INSIG2: variants seen among roughly 807,000 people sequenced by gnomAD.
INSIG2 encodes insulin-induced gene 2 protein.
INSIG2 carries 10 observed loss-of-function variants against 27.2 expected under a neutral mutation model. The observed-to-expected ratio is 0.37, with a 90% CI of 0.23 to 0.62. INSIG2 has a LOEUF of 0.62. Ranked by LOEUF, INSIG2 falls within the 20% of genes least tolerant of loss-of-function variation. The probability of loss-of-function intolerance (pLI) is 0.65; values close to 1 mark genes in which losing one functional copy is unlikely to be tolerated. For missense variants in INSIG2, 178 were observed against 270.2 expected, an observed-to-expected ratio of 0.66 and a Z score of 2.39; for synonymous variants, 97 against 95.8, an observed-to-expected ratio of 1.01 and a Z score of -0.07.
intron 1 of INSIG2, among the ~76,000 whole-genome samples, chr2:118,090,657 T>C (rs912278990): frequency 6.6e-6 from 1 of 152,184 alleles, no homozygotes; most frequent in Admixed American, 6.5e-5. Flanking sequence ...TGGTGGAAAG[T>C]TTTTCTTTGT....
intron 1 of INSIG2, among the ~76,000 whole-genome samples, chr2:118,091,058 A>G (rs1678213241): frequency 6.6e-6 from 1 of 152,206 alleles, no homozygotes; most frequent in Non-Finnish European, 1.5e-5. Context: ...TTTAAAAAAA[A>G]TTTTGGAGCA....
intron 3 of INSIG2, among the ~76,000 whole-genome samples, chr2:118,106,472 CTTTT>C (rs1411134748): frequency 6.6e-6 from 1 of 152,012 alleles, no homozygotes; most frequent in Non-Finnish European, 1.5e-5. Context: ...GTAGACTGTT[CTTTT>C]TGTTTTGTTT....
intron 4 of INSIG2, 73 bp from the exon 5 acceptor site, chr2:118,107,017 T>C (rs1394043157): frequency 1.4e-6 from 2 of 1,470,234 alleles, no homozygotes; most frequent in African/African-American, 2.8e-5. Flanking sequence ...CAGAGTAGTT[T>C]ATTTTCATTG....
At chr2:118,101,217 A>G (rs2104533097) in intron 2 of INSIG2, among the ~76,000 whole-genome samples, 1 of 152,320 alleles carries the variant, frequency 6.6e-6, no homozygotes, top group East Asian at 1.9e-4. Flanking sequence ...GGAAAGAAAG[A>G]AGACATTTAA....
At chr2:118,098,858 G>A (rs1446988847) in intron 2 of INSIG2, among the ~76,000 whole-genome samples, 1 of 152,134 alleles carries the variant, frequency 6.6e-6, no homozygotes, top group East Asian at 1.9e-4. Context: ...TACATTTCTT[G>A]CTTAAGTATT....
chr2:118,105,572 A>G (rs2104538910), intron 3 of INSIG2, among the ~76,000 whole-genome samples: 1 of 152,292 alleles, frequency 6.6e-6, no homozygotes, highest in East Asian at 1.9e-4. Flanking sequence ...GCATACCCAT[A>G]TGAACTGTAG....
intron 1 of INSIG2, among the ~76,000 whole-genome samples, chr2:118,090,378 T>G (rs561507208): frequency 6.6e-6 from 1 of 152,330 alleles, no homozygotes; most frequent in South Asian, 2.1e-4. Flanking sequence ...GTGTTTGTTT[T>G]CAAATGCTTG....
chr2:118,100,448 G>A lies in INSIG2; in HGVS notation c.245-2749G>A, dbSNP rs544269137. Among the ~76,000 whole-genome samples, 7 of 128,358 alleles carry A rather than the reference G, an allele frequency of 5.5e-5. No homozygotes were observed. The South Asian group carries it at 1.0e-3, about 19-fold the overall frequency. 84.2% of individuals were successfully genotyped at this position (128,358 alleles called of 152,430 possible). A position where few individuals can be genotyped will look rare whatever the true frequency, so the allele number is the denominator to read the frequency against. ...GGCTGGAGTGCAGTGGCGCCATCTC[G>A]GCTTACTGCAACCTCCACCTCCCAG... On this transcript the variant is annotated intron_variant, in intron 2 of 5. Transcript: ENST00000245787.
chr2:118,089,331 G>C (rs1374907680), intron 1 of INSIG2, among the ~76,000 whole-genome samples: 3 of 152,172 alleles, frequency 2.0e-5, no homozygotes, highest in Admixed American at 2.0e-4. Flanking sequence ...TGTTTTGTAG[G>C]ATTGATGAAG....
At chr2:118,092,946 TGAGGAGGAGGAG>T (rs1200287010) in intron 1 of INSIG2, among the ~76,000 whole-genome samples, 2 of 140,354 alleles carry the variant, frequency 1.4e-5, no homozygotes, top group Non-Finnish European at 1.5e-5. Flanking sequence ...ATGATGATGA[TGAGGAGGAGGAG>T]GAGGAGGAGA....
rs1323824274 is a variant in INSIG2, at chr2:118,096,466, C to T, written c.-91C>T. ...AGGACAAGATGTGGTACCGTTGAAG[C>T]GTCAGTCTTTGATTCACAGACAGTT... On this transcript the variant is annotated 5_prime_UTR_variant, in exon 2 of 6. Transcript: ENST00000245787. 6.1e-6 allele frequency: 8 copies of T among 1,312,848 alleles called. No homozygotes were observed. The highest frequency in any genetic ancestry group is 4.4e-5 in the South Asian group (3 of 68,838). The allele number at this position is 1,312,848 out of a possible 1,614,324, so 81.3% of individuals were successfully genotyped here. A position where few individuals can be genotyped will look rare whatever the true frequency, so the allele number is the denominator to read the frequency against.
intron 3 of INSIG2, among the ~76,000 whole-genome samples, chr2:118,104,515 A>G (rs1020834257): frequency 6.6e-6 from 1 of 152,212 alleles, no homozygotes; most frequent in Non-Finnish European, 1.5e-5. Context: ...TTAAGATTTT[A>G]TAAAAAATCT....
Position 118,108,367 on chromosome 2 carries a change from G to A in INSIG2, c.*45G>A, listed in dbSNP as rs377747768. 2.3e-5 allele frequency: 33 copies of A among 1,454,428 alleles called. No individual in the cohort carries two copies. Among genetic ancestry groups the A allele is most frequent in the Non-Finnish European group, 3.0e-5 (31 of 1,047,174 alleles). The allele number at this position is 1,454,428 out of a possible 1,614,324, so 90.1% of individuals were successfully genotyped here. A position where few individuals can be genotyped will look rare whatever the true frequency, so the allele number is the denominator to read the frequency against. On this transcript the variant is annotated 3_prime_UTR_variant, in exon 6 of 6. Transcript: ENST00000245787. The stretch of plus-strand genomic sequence containing the variant: ...TTGTACAGAAAAGCAAGATGAAAAG[G>A]ATGTGAAATGGTAGATATACCAACA...
rs1480543947 is a variant in INSIG2, at chr2:118,109,880, T to G, written c.*1558T>G. 1 of 152,562 alleles carries G rather than the reference T, an allele frequency of 6.6e-6. No homozygotes were observed. The highest frequency in any genetic ancestry group is 1.5e-5 in the Non-Finnish European group (1 of 68,034). 9.5% of individuals were successfully genotyped at this position (152,562 alleles called of 1,614,324 possible). ...TATTATTATATCTTCCAGATAATGT[T>G]ATTCATTTAGAACAAATAAGGTATA... On this transcript the variant is annotated 3_prime_UTR_variant, in exon 6 of 6. Coordinates refer to ENST00000245787, the MANE Select transcript of INSIG2 (RefSeq NM_016133.4).
In INSIG2 at chr2:118,108,273, T is replaced by G. The variant is rs1199936413; in HGVS notation, c.637-8T>G. ...TCTGTTAACCTTTTAACCTTTTAAT[T>G]TTTGCAGTACGAATGTAAAGTTATC... On this transcript the variant is annotated splice_polypyrimidine_tract_variant and splice_region_variant and intron_variant, in intron 5 of 5. Transcript: ENST00000245787. The G allele has an allele frequency of 6.3e-7, 1 of 1,581,740 alleles. No homozygotes were observed. The highest frequency in any genetic ancestry group is 1.8e-5 in the Admixed American group (1 of 54,782).
intron 1 of INSIG2, among the ~76,000 whole-genome samples, chr2:118,090,047 T>C (rs1678188354): frequency 6.6e-6 from 1 of 152,226 alleles, no homozygotes; most frequent in Non-Finnish European, 1.5e-5. Context: ...TACATGTAGA[T>C]GTGTTTTTAT....
chr2:118,103,725 TCTTAA>T (rs1678606241), intron 3 of INSIG2, among the ~76,000 whole-genome samples: 3 of 152,184 alleles, frequency 2.0e-5, no homozygotes, highest in African/African-American at 4.8e-5. Context: ...CTTTTGTTTT[TCTTAA>T]CTTAAAGAAG....
intron 1 of INSIG2, among the ~76,000 whole-genome samples, chr2:118,092,812 GAT>G (rs1251895758): frequency 2.0e-5 from 3 of 149,182 alleles, no homozygotes; most frequent in Non-Finnish European, 4.5e-5. Context: ...TGATGATGAT[GAT>G]GAGGAGGAGA....
At chr2:118,107,032 T>G in intron 4 of INSIG2, 58 bp from the exon 5 acceptor site, 1 of 1,452,990 alleles carries the variant, frequency 6.9e-7, no homozygotes. Context: ...TCATTGTAAT[T>G]ATCTTAAGTG....
Sources: allele counts gnomAD v4.1 joint callset (sites outside exome capture counted in the v4.1 genomes callset), GRCh38; gene constraint gnomAD v4.1.1; transcripts MANE v1.5; gene names NCBI Gene and HGNC (gene_info 2026-07-23, HGNC 2026-07-21).